Variants in DLGAP1 observed in about 807,000 individuals in gnomAD.
DLGAP1 encodes DLG associated protein 1, also known as disks large-associated protein 1.
In DLGAP1, 11 loss-of-function variants were observed where a neutral mutation model predicts 90.8. The observed-to-expected ratio is 0.12, with a 90% CI of 0.08 to 0.20. The LOEUF (loss-of-function observed/expected upper bound fraction) is 0.20, where lower values mean the gene tolerates loss of function less well. Among genes scored for constraint, DLGAP1 ranks in the 10% least tolerant of loss-of-function variants. The probability of loss-of-function intolerance (pLI) is 1.00; values close to 1 mark genes in which losing one functional copy is unlikely to be tolerated. For synonymous variants in DLGAP1, 558 were observed against 540.7 expected, an observed-to-expected ratio of 1.03 and a Z score of -0.44; for missense variants, 1,050 against 1,333.8, an observed-to-expected ratio of 0.79 and a Z score of 3.31.
At chr18:4,181,657 T>C (rs1314338439) in intron 1 of DLGAP1, among the ~76,000 whole-genome samples, 1 of 152,172 alleles carries the variant, frequency 6.6e-6, no homozygotes, top group African/African-American at 2.4e-5. Context: ...ACCTTTAATT[T>C]CTTTCCTTTA....
At chr18:4,055,407 G>C (rs1199533363) in intron 2 of DLGAP1, among the ~76,000 whole-genome samples, 4 of 152,182 alleles carry the variant, frequency 2.6e-5, no homozygotes, top group Non-Finnish European at 5.9e-5. Flanking sequence ...GAACCTGATA[G>C]GTAGTTTTTT....
chr18:4,237,663 G>C (rs1411865639), intron 1 of DLGAP1, among the ~76,000 whole-genome samples: 1 of 151,112 alleles, frequency 6.6e-6, no homozygotes, highest in Non-Finnish European at 1.5e-5. Context: ...TTTTCAGCAA[G>C]AGGCCCTAAA....
chr18:3,603,077 A>G lies in DLGAP1; in HGVS notation c.1592-20829T>C, dbSNP rs527277651. On this transcript the variant is annotated intron_variant, in intron 7 of 12. Transcript: ENST00000315677. ...AACTAGAGCTAGTCTTCGGATTGAA[A>G]TGAATTACCAATAAAGGGTTGGGAA... The G allele has an allele frequency of 5.3e-5, 8 of 152,356 alleles. No homozygotes were observed. The East Asian group carries it at 9.6e-4, about 18-fold the overall frequency. The allele number at this position is 152,356 out of a possible 1,614,324, so 9.4% of individuals were successfully genotyped here. A position where few individuals can be genotyped will look rare whatever the true frequency, so the allele number is the denominator to read the frequency against.
chr18:3,927,736 G>A (rs2072423751), intron 3 of DLGAP1, among the ~76,000 whole-genome samples: 1 of 152,150 alleles, frequency 6.6e-6, no homozygotes, highest in South Asian at 2.1e-4. Context: ...ATGGTAAACT[G>A]ATGGAAATAC....
At position 3,534,380 on chromosome 18, in the gene DLGAP1, T is replaced by C; in HGVS notation, c.2293A>G (p.Ile765Val). Reference protein sequence around the residue: ...DDFDTDFDPSILPPPDPWIDS... With the variant: ...DDFDTDFDPSVLPPPDPWIDS... ...ATCCAGGGGTCCGGAGGAGGCAGAATAGAGGGGTCAAAATCCGTGTCAAAG... is the reference window on the plus strand; with the variant it reads ...ATCCAGGGGTCCGGAGGAGGCAGAACAGAGGGGTCAAAATCCGTGTCAAAG... The change falls in exon 10 of 13, where the codon ATT becomes GTT. Residue 765 changes from isoleucine (I) to valine (V), a missense_variant. Ile to Val is a conservative substitution (Grantham distance 29). This residue lies in a region of DLGAP1 where 565 missense variants were observed against 879.7 expected (regional missense o/e 0.64). Transcript: ENST00000315677. 3.7e-6 allele frequency: 6 copies of C among 1,614,136 alleles called. No homozygotes were observed. Among genetic ancestry groups the C allele is most frequent in the Non-Finnish European group, 5.1e-6 (6 of 1,180,002 alleles).
At chr18:3,600,847 G>T (rs1438365636) in intron 7 of DLGAP1, among the ~76,000 whole-genome samples, 23 of 27,312 alleles carry the variant, frequency 8.4e-4, no homozygotes, top group African/African-American at 2.8e-3. Context: ...GATATATATA[G>T]ATATATAGAT....
At chr18:4,341,920 T>C (rs2081197672) in intron 1 of DLGAP1, among the ~76,000 whole-genome samples, 1 of 150,386 alleles carries the variant, frequency 6.6e-6, no homozygotes, top group South Asian at 2.1e-4. Context: ...ATATCTCTCT[T>C]TCTCTCTCTC....
intron 4 of DLGAP1, among the ~76,000 whole-genome samples, chr18:3,873,861 C>T (rs1337685981): frequency 2.6e-5 from 4 of 152,066 alleles, no homozygotes; most frequent in African/African-American, 9.7e-5. Context: ...TTTCAATCAC[C>T]AGCCATATAA....
chr18:3,526,109 T>C lies in DLGAP1; in HGVS notation c.2479+8085A>G, dbSNP rs943290476. Among the ~76,000 whole-genome samples, 1 of 152,240 alleles carries C rather than the reference T, an allele frequency of 6.6e-6. No homozygotes were observed. The highest frequency in any genetic ancestry group is 6.5e-5 in the Admixed American group (1 of 15,286). On this transcript the variant is annotated intron_variant, in intron 10 of 12. Transcript: ENST00000315677. This position sits in a 1 kb window ranked among gnomAD's most constrained non-coding sequence, Gnocchi z 4.7. The stretch of plus-strand genomic sequence containing the variant: ...GCTTACAAAAAGAGACATGCAAGTA[T>C]GTGTGTCTGTGTGTGTGGTGGAGTG...
chr18:4,354,135 G>A (rs1447437872), intron 1 of DLGAP1, among the ~76,000 whole-genome samples: 1 of 152,174 alleles, frequency 6.6e-6, no homozygotes, highest in Non-Finnish European at 1.5e-5. Context: ...GGCCTCAAAA[G>A]CAAAGCCTCT....
At chr18:3,538,869 A>C (rs1437639631) in intron 9 of DLGAP1, among the ~76,000 whole-genome samples, 2 of 152,226 alleles carry the variant, frequency 1.3e-5, no homozygotes, top group Admixed American at 1.3e-4. Flanking sequence ...TACTACCCGC[A>C]TTCCTAACAG....
chr18:4,046,083 G>A (rs530302915), intron 2 of DLGAP1, among the ~76,000 whole-genome samples: 1 of 152,204 alleles, frequency 6.6e-6, no homozygotes, highest in Non-Finnish European at 1.5e-5. Flanking sequence ...CCTGCAGTCT[G>A]TATGTCCCCA....
rs559850335 is a variant in DLGAP1 at position 3,808,050 on chromosome 18, A to AT, written c.1172+6008dup. 5.7e-4 allele frequency among the ~76,000 whole-genome samples: 87 copies of AT among 152,326 alleles called. 3 individuals are homozygous for AT. In the South Asian group the frequency reaches 0.01, roughly 18 times the overall value. On this transcript the variant is annotated intron_variant, in intron 5 of 12. Coordinates refer to ENST00000315677, the MANE Select transcript of DLGAP1 (RefSeq NM_004746.4). Reference sequence around the variant, plus strand: ...GGCATTCATATCCCAATGAAGGAACATTTTTTTAAAAACTAGGAGTGGTGA... The same window carrying AT: ...GGCATTCATATCCCAATGAAGGAACATTTTTTTTAAAAACTAGGAGTGGTGA...
chr18:4,216,840 G>C (rs1051941526), intron 1 of DLGAP1, among the ~76,000 whole-genome samples: 2 of 151,968 alleles, frequency 1.3e-5, no homozygotes, highest in African/African-American at 2.4e-5. Flanking sequence ...TGCATGAGTG[G>C]GGTACATTTA....
In DLGAP1 at chr18:3,715,607, A is replaced by G. The variant is rs539694207; in HGVS notation, c.1591+13528T>C. Reference sequence around the variant, plus strand: ...GCACTTCACTTTTCCTATTTTCGAGAGCACTTTCCCTTTCTGAAAACACAG... The same window carrying G: ...GCACTTCACTTTTCCTATTTTCGAGGGCACTTTCCCTTTCTGAAAACACAG... On this transcript the variant is annotated intron_variant, in intron 7 of 12. Coordinates refer to ENST00000315677, the MANE Select transcript of DLGAP1 (RefSeq NM_004746.4). 7.9e-5 allele frequency among the ~76,000 whole-genome samples: 12 copies of G among 152,284 alleles called. No individual in the cohort carries two copies. The East Asian group carries it at 1.9e-3, about 24-fold the overall frequency.
At chr18:3,527,410 CTTTTT>C (rs3075071) in intron 10 of DLGAP1, among the ~76,000 whole-genome samples, 5 of 100,682 alleles carry the variant, frequency 5.0e-5, no homozygotes, top group African/African-American at 1.9e-4. Flanking sequence ...ATTTTCCAAA[CTTTTT>C]TTTTTTTTTT....
chr18:3,920,104 A>G (rs2072233084), intron 3 of DLGAP1, among the ~76,000 whole-genome samples: 1 of 152,148 alleles, frequency 6.6e-6, no homozygotes, highest in Admixed American at 6.5e-5. Context: ...GCACTTTGGG[A>G]GGCCGAGGCG....
At chr18:3,558,930 G>A (rs917183098) in intron 9 of DLGAP1, among the ~76,000 whole-genome samples, 2 of 152,154 alleles carry the variant, frequency 1.3e-5, no homozygotes, top group East Asian at 3.8e-4. Flanking sequence ...TTTAACCCAA[G>A]ATAACTTTGC....
At chr18:3,555,582 G>A (rs1046737979) in intron 9 of DLGAP1, among the ~76,000 whole-genome samples, 14 of 152,116 alleles carry the variant, frequency 9.2e-5, no homozygotes, top group African/African-American at 3.1e-4. Context: ...AGGCCGAGGC[G>A]GGCGGATCAT....
Sources: gnomAD v4.1 joint callset for allele counts (sites outside exome capture counted in the v4.1 genomes callset) on GRCh38, gnomAD v4.1.1 for gene constraint, gnomAD v4.1.1 regional missense constraint, Gnocchi (gnomAD v3.1) non-coding constraint, MANE v1.5 for transcripts, NCBI Gene and HGNC (gene_info 2026-07-23, HGNC 2026-07-21) for gene names.